Variants in RARB observed in about 807,000 individuals in gnomAD.
RARB encodes HBV-activated protein.
A neutral mutation model predicts 51.9 loss-of-function variants in RARB; 17 were observed. The ratio of observed to expected loss-of-function variants is 0.33; its 90% CI spans 0.22 to 0.49. RARB has a LOEUF of 0.49. Among genes scored for constraint, RARB ranks in the 20% least tolerant of loss-of-function variants. The pLI is 0.99. For synonymous variants in RARB, 215 were observed against 195.4 expected (o/e 1.10, Z -0.84); for missense variants, 369 against 550.8 (o/e 0.67, Z 3.30).
chr3:25,073,242 G>A (rs1363487070), intron 3 of RARB, among the ~76,000 whole-genome samples: 3 of 152,214 alleles, frequency 2.0e-5, no homozygotes, highest in South Asian at 4.1e-4. Flanking sequence ...GAGGTAACAA[G>A]ACCAATGCTG....
At chr3:25,434,291 AG>A (rs146702939) in intron 1 of RARB, among the ~76,000 whole-genome samples, 1,645 of 152,336 alleles carry the variant, frequency 0.011, 24 homozygotes, top group African/African-American at 0.037. Flanking sequence ...AAGAGAACAA[AG>A]AAAAACTGGG....
intron 4 of RARB, among the ~76,000 whole-genome samples, chr3:25,137,175 C>T (rs531229325): frequency 5.9e-5 from 9 of 152,084 alleles, no homozygotes; most frequent in African/African-American, 1.9e-4. Context: ...AGATTTCTCA[C>T]TGTGGCTGAG....
chr3:25,076,168 ATC>A (rs1698867131), intron 3 of RARB, among the ~76,000 whole-genome samples: 2 of 150,444 alleles, frequency 1.3e-5, no homozygotes. Context: ...TTTAGACAAA[ATC>A]TCTCTCTGTC....
intron 3 of RARB, among the ~76,000 whole-genome samples, chr3:25,126,293 CAGA>C (rs1185111987): frequency 2.0e-5 from 3 of 152,018 alleles, no homozygotes; most frequent in Non-Finnish European, 4.4e-5. Flanking sequence ...CAGATTTGTG[CAGA>C]TTTCCATTCT....
At chr3:24,970,659 AC>A (rs1413173750) in intron 2 of RARB, among the ~76,000 whole-genome samples, 1 of 151,694 alleles carries the variant, frequency 6.6e-6, no homozygotes, top group Non-Finnish European at 1.5e-5. Flanking sequence ...TCATTTTAGT[AC>A]TTGGAGAAGA....
rs536138747 is a variant in RARB, at chr3:25,528,841, A to G, written c.448+27518A>G. On this transcript the variant is annotated intron_variant, in intron 3 of 7. Transcript: ENST00000330688. ...GCAGCAACTTTTAAAACGCAGCCAA[A>G]CATGAAGACTCGCCTCCCTAGGAAC... is the stretch of plus-strand genomic sequence containing the variant. Among the ~76,000 whole-genome samples the G allele has an allele frequency of 2.8e-5, 3 of 107,848 alleles. No individual in the cohort carries two copies. In the South Asian group the frequency reaches 8.8e-4, roughly 31 times the overall value. 70.8% of individuals were successfully genotyped at this position (107,848 alleles called of 152,430 possible).
intron 5 of RARB, among the ~76,000 whole-genome samples, chr3:25,182,008 A>C (rs2125357870): frequency 6.6e-6 from 1 of 152,310 alleles, no homozygotes; most frequent in East Asian, 1.9e-4. Context: ...CTTTATTAAA[A>C]ATTACATTTT....
In RARB at chr3:25,538,549, T is replaced by C. The variant is rs796088164; in HGVS notation, c.449-31209T>C. Among the ~76,000 whole-genome samples the C allele has an allele frequency of 4.6e-5, 7 of 152,340 alleles. 1 individual carries two copies. The highest frequency in any genetic ancestry group is 1.7e-4 in the African/African-American group (7 of 41,588). ...AGATGTTTGGTGTGCTATTTGTTAC[T>C]AGGCCCCACAAGTTAGGGCCTGACG... On this transcript the variant is annotated intron_variant, in intron 3 of 7. Transcript: ENST00000330688.
At chr3:25,531,392 A>G (rs773907603) in intron 3 of RARB, among the ~76,000 whole-genome samples, 17 of 38,930 alleles carry the variant, frequency 4.4e-4, no homozygotes, top group African/African-American at 1.6e-3. Context: ...AGATAGGTAG[A>G]TAGATAGATA....
At chr3:24,970,225 A>G (rs1342707182) in intron 2 of RARB, among the ~76,000 whole-genome samples, 1 of 152,068 alleles carries the variant, frequency 6.6e-6, no homozygotes. Flanking sequence ...CTGATTTAGA[A>G]GGAATTCTAC....
At chr3:25,155,109 G>C (rs192149700) in intron 4 of RARB, among the ~76,000 whole-genome samples, 3 of 151,824 alleles carry the variant, frequency 2.0e-5, no homozygotes, top group Admixed American at 2.0e-4. Flanking sequence ...TTCTCTTTCC[G>C]TATGCATTAT....
chr3:24,931,185 A>G (rs757124257), intron 2 of RARB, among the ~76,000 whole-genome samples: 1 of 152,032 alleles, frequency 6.6e-6, no homozygotes, highest in Non-Finnish European at 1.5e-5. Context: ...AGGGAGAGCC[A>G]TTGGTTCATA....
In RARB at chr3:25,428,746, G is replaced by A. The variant is rs1183220994; in HGVS notation, c.15G>A (p.Met5Ile). The A allele has an allele frequency of 1.2e-6, 2 of 1,613,930 alleles. No homozygotes were observed. Among genetic ancestry groups the A allele is most frequent in the Non-Finnish European group, 1.7e-6 (2 of 1,179,958 alleles). The part of the protein sequence containing the change: MFDC[M>I]DVLSVSPGQI... ...CAAGGGAGATCATGTTTGACTGTATGGATGTTCTGTCAGTGAGTCCTGGGC... is the reference window on the plus strand; with the variant it reads ...CAAGGGAGATCATGTTTGACTGTATAGATGTTCTGTCAGTGAGTCCTGGGC... Residue 5 changes from methionine (M) to isoleucine (I), a missense_variant, in exon 1 of 8, where the codon ATG (methionine) becomes ATA (isoleucine). Met to Ile is a conservative substitution (Grantham distance 10). Coordinates refer to ENST00000330688, the MANE Select transcript of RARB (RefSeq NM_000965.5).
intron 1 of RARB, among the ~76,000 whole-genome samples, chr3:24,850,235 A>G (rs1306935490): frequency 1.3e-5 from 2 of 152,174 alleles, no homozygotes; most frequent in African/African-American, 2.4e-5. Context: ...TTTCCACCAC[A>G]TGAATTTTCA....
chr3:25,331,746 T>C (rs1476389005), intron 5 of RARB, among the ~76,000 whole-genome samples: 1 of 152,114 alleles, frequency 6.6e-6, no homozygotes, highest in Admixed American at 6.5e-5. Context: ...GCTGGTTTTT[T>C]GGAAAGATCA....
intron 5 of RARB, among the ~76,000 whole-genome samples, chr3:25,248,855 G>T (rs547484935): frequency 6.6e-6 from 1 of 152,178 alleles, no homozygotes; most frequent in East Asian, 1.9e-4. Context: ...TTATCTTGCT[G>T]TTGTTTGAAT....
Position 25,570,013 on chromosome 3 carries a change from C to T in RARB, c.609+95C>T, listed in dbSNP as rs1575528519. The T allele has an allele frequency of 2.6e-6, 3 of 1,166,550 alleles. No individual in the cohort carries two copies. The East Asian group carries it at 7.6e-5, about 29-fold the overall frequency. 72.3% of individuals were successfully genotyped at this position (1,166,550 alleles called of 1,614,324 possible). A position where few individuals can be genotyped will look rare whatever the true frequency, so the allele number is the denominator to read the frequency against. On this transcript the variant is annotated intron_variant, in intron 4 of 7. Transcript: ENST00000330688. ...ACACACACACACACACACACACACA[C>T]ACACACACTTTGCACTGGGCCTGGC...
At chr3:24,949,074 C>G (rs953427295) in intron 2 of RARB, among the ~76,000 whole-genome samples, 1 of 152,196 alleles carries the variant, frequency 6.6e-6, no homozygotes, top group African/African-American at 2.4e-5. Flanking sequence ...GCTGAAAGAC[C>G]TGGGTCTTCT....
At chr3:25,504,311 TAA>T in intron 3 of RARB, among the ~76,000 whole-genome samples, 1 of 152,220 alleles carries the variant, frequency 6.6e-6, no homozygotes, top group South Asian at 2.1e-4. Flanking sequence ...TCCAGACTGT[TAA>T]TCTATTGACC....
Sources: allele counts gnomAD v4.1 joint callset (sites outside exome capture counted in the v4.1 genomes callset), GRCh38; gene constraint gnomAD v4.1.1; transcripts MANE v1.5; gene names NCBI Gene and HGNC (gene_info 2026-07-23, HGNC 2026-07-21).